PCDHGA7: variants seen among roughly 807,000 people sequenced by gnomAD.
PCDHGA7 encodes the protein protocadherin gamma subfamily A, 7.
In PCDHGA7, 44 loss-of-function variants were observed where a neutral mutation model predicts 58.3. The observed-to-expected ratio is 0.75, with a 90% confidence interval of 0.59 to 0.97. The LOEUF is 0.97. Among genes scored for constraint, PCDHGA7 ranks in the 50% least tolerant of loss-of-function variants. The pLI is 0.00. For synonymous variants in PCDHGA7, 516 were observed against 504.2 expected (o/e 1.02, Z -0.31); for missense variants, 1,266 against 1,188.7 (o/e 1.06, Z -0.96).
chr5:141,402,714 T>G (rs1024254405), intron 1 of PCDHGA7, among the ~76,000 whole-genome samples: 2 of 152,220 alleles, frequency 1.3e-5, no homozygotes, highest in African/African-American at 4.8e-5. Flanking sequence ...TAGTAACGGC[T>G]TAGGACTCTG....
chr5:141,414,992 C>T, intron 1 of PCDHGA7: 2 of 1,613,770 alleles, frequency 1.2e-6, no homozygotes, highest in Non-Finnish European at 1.7e-6. Flanking sequence ...GGCCAGAACG[C>T]CTGGCTGTCC....
chr5:141,433,329 G>A, intron 1 of PCDHGA7: 1 of 702,998 alleles, frequency 1.4e-6, no homozygotes, highest in Non-Finnish European at 2.4e-6. Context: ...GTGTAACAGG[G>A]ACTACAGGTG....
chr5:141,409,868 A>C (rs2095328786), intron 1 of PCDHGA7: 2 of 1,612,688 alleles, frequency 1.2e-6, no homozygotes, highest in Admixed American at 1.7e-5. Flanking sequence ...GGGAGACCGC[A>C]ATGACAACGC....
chr5:141,399,497 TACCCGAAAACA>T, intron 1 of PCDHGA7: 2 of 1,614,030 alleles, frequency 1.2e-6, no homozygotes, highest in Non-Finnish European at 1.7e-6. Flanking sequence ...TTAGTCAGTG[TACCCGAAAACA>T]ACCCTCCTGG....
intron 1 of PCDHGA7, chr5:141,421,223 C>T: frequency 6.3e-7 from 1 of 1,580,314 alleles, no homozygotes. Context: ...GGCTTAGAGC[C>T]TGCCATGGCG....
chr5:141,466,669 C>T lies in PCDHGA7; in HGVS notation c.2425-28138C>T, dbSNP rs529252130. The stretch of plus-strand genomic sequence containing the variant: ...TTTCACAAAACATCAGTGATTTCAC[C>T]GTTCTTCCACTCAAGCTTCATCATA... On this transcript the variant is annotated intron_variant, in intron 1 of 3. Transcript: ENST00000518325. Among the ~76,000 whole-genome samples the T allele has an allele frequency of 8.5e-5, 13 of 152,278 alleles. No homozygotes were observed. The East Asian group carries it at 9.6e-4, about 11-fold the overall frequency.
At chr5:141,389,254 T>C (rs1589085552) in intron 1 of PCDHGA7, 1 of 1,614,012 alleles carries the variant, frequency 6.2e-7, no homozygotes. Flanking sequence ...TCCTATATAG[T>C]CCACGTGGCC....
chr5:141,398,686 G>T (rs2093688431), intron 1 of PCDHGA7: 6 of 1,613,920 alleles, frequency 3.7e-6, no homozygotes, highest in Non-Finnish European at 5.1e-6. Context: ...GGAGAAACAG[G>T]ATGGTAGTAA....
intron 1 of PCDHGA7, chr5:141,389,952 C>T (rs2091983675): frequency 3.1e-6 from 5 of 1,613,946 alleles, no homozygotes; most frequent in Non-Finnish European, 4.2e-6. Context: ...GCAGTTTTAC[C>T]TAGTGGTGGC....
chr5:141,418,125 G>T (rs765373450), intron 1 of PCDHGA7: 7 of 1,613,968 alleles, frequency 4.3e-6, no homozygotes, highest in African/African-American at 2.7e-5. Flanking sequence ...GTGAAGGACC[G>T]AATAGACCGT....
intron 3 of PCDHGA7, among the ~76,000 whole-genome samples, chr5:141,508,711 T>G (rs1201917424): frequency 6.6e-6 from 1 of 152,058 alleles, no homozygotes; most frequent in Admixed American, 6.5e-5. Flanking sequence ...CTCATTCTTT[T>G]CTGTGTGCAG....
At chr5:141,437,944 G>A (rs576107104) in intron 1 of PCDHGA7, among the ~76,000 whole-genome samples, 1 of 152,178 alleles carries the variant, frequency 6.6e-6, no homozygotes, top group South Asian at 2.1e-4. Flanking sequence ...CACCATATTG[G>A]CCAGAATGGT....
At position 141,491,154 on chromosome 5, in the gene PCDHGA7, C is replaced by T. The variant is rs773308291; in HGVS notation, c.2425-3653C>T. ...CAGCCCGGGCCTTACTGGAGGATGACTCTGACACCCAGCAGGTGGTGGTCC... is the reference window on the plus strand; with the variant it reads ...CAGCCCGGGCCTTACTGGAGGATGATTCTGACACCCAGCAGGTGGTGGTCC... On this transcript the variant is annotated intron_variant, in intron 1 of 3. Coordinates refer to ENST00000518325, the MANE Select transcript of PCDHGA7 (RefSeq NM_018920.4). The surrounding 1 kb of genome is among the most constrained non-coding windows in gnomAD (Gnocchi z 6.9). The T allele has an allele frequency of 6.2e-7, 1 of 1,614,162 alleles. No homozygotes were observed. The highest frequency in any genetic ancestry group is 1.7e-5 in the Admixed American group (1 of 60,026).
intron 1 of PCDHGA7, chr5:141,409,553 G>T: frequency 6.2e-7 from 1 of 1,613,972 alleles, no homozygotes; most frequent in Non-Finnish European, 8.5e-7. Context: ...CAACGCCCCA[G>T]TTTTCGACCA....
Position 141,489,652 on chromosome 5 carries a change from C to T in PCDHGA7, c.2425-5155C>T, listed in dbSNP as rs767143028. The T allele has an allele frequency of 3.1e-6, 5 of 1,614,024 alleles. No individual in the cohort carries two copies. Among genetic ancestry groups the T allele is most frequent in the Non-Finnish European group, 4.2e-6 (5 of 1,180,026 alleles). ...CTCTCCTAGCTTTGCCACCCCTGAG[C>T]GAGAGATGCGCATCTCAGAATCAGC... On this transcript the variant is annotated intron_variant, in intron 1 of 3. Coordinates refer to ENST00000518325, the MANE Select transcript of PCDHGA7 (RefSeq NM_018920.4). The surrounding 1 kb of genome is among the most constrained non-coding windows in gnomAD (Gnocchi z 4.5).
intron 1 of PCDHGA7, among the ~76,000 whole-genome samples, chr5:141,449,677 A>G (rs543079734): frequency 6.3e-4 from 96 of 151,362 alleles, no homozygotes; most frequent in Non-Finnish European, 1.1e-3. Flanking sequence ...GTGTATGTAT[A>G]TATGTTTGTG....
chr5:141,446,188 T>G (rs566309564), intron 1 of PCDHGA7, among the ~76,000 whole-genome samples: 28 of 152,326 alleles, frequency 1.8e-4, no homozygotes, highest in African/African-American at 6.3e-4. Context: ...TTTTGTTTAT[T>G]ATTATATTCC....
intron 1 of PCDHGA7, chr5:141,389,358 A>G: frequency 6.2e-7 from 1 of 1,613,908 alleles, no homozygotes; most frequent in Non-Finnish European, 8.5e-7. Flanking sequence ...CATCATGGCC[A>G]GTGACCTGGA....
Position 141,487,501 on chromosome 5 carries a change from T to A in PCDHGA7, c.2425-7306T>A. 1 of 1,614,232 alleles carries A rather than the reference T, an allele frequency of 6.2e-7. No individual in the cohort carries two copies. Among genetic ancestry groups the A allele is most frequent in the Non-Finnish European group, 8.5e-7 (1 of 1,180,036 alleles). On this transcript the variant is annotated intron_variant, in intron 1 of 3. Transcript: ENST00000518325. This position sits in a 1 kb window ranked among gnomAD's most constrained non-coding sequence, Gnocchi z 5.0. ...ACTCTCATGGCTGTACACCCTTGGC[T>A]TCTGCACCCACTCGGAGTGATAGCT...
Sources: allele counts gnomAD v4.1 joint callset (sites outside exome capture counted in the v4.1 genomes callset), GRCh38; gene constraint gnomAD v4.1.1; non-coding constraint Gnocchi (gnomAD v3.1); transcripts MANE v1.5; gene names NCBI Gene and HGNC (gene_info 2026-07-23, HGNC 2026-07-21).